Variants in RALYL observed in about 807,000 individuals in gnomAD.
RALYL encodes RALY RNA binding protein like.
A neutral mutation model predicts 35.1 loss-of-function variants in RALYL; 29 were observed. The observed-to-expected ratio is 0.83, with a 90% CI of 0.61 to 1.13. The LOEUF (loss-of-function observed/expected upper bound fraction) is 1.13. Ranked by LOEUF, RALYL falls within the 50% of genes most tolerant of loss-of-function variation. The probability of loss-of-function intolerance (pLI) is 0.00; values close to 1 mark genes in which losing one functional copy is unlikely to be tolerated. For missense variants in RALYL, 359 were observed against 360.4 expected (o/e 1.00, Z 0.03); for synonymous variants, 120 against 127.6 (o/e 0.94, Z 0.40).
chr8:84,449,432 G>T (rs182143535), intron 1 of RALYL, among the ~76,000 whole-genome samples: 1 of 152,056 alleles, frequency 6.6e-6, no homozygotes, highest in South Asian at 2.1e-4. Flanking sequence ...TTTCATTTAT[G>T]GTTGTATTGT....
chr8:84,347,207 A>T (rs566100907), intron 1 of RALYL, among the ~76,000 whole-genome samples: 8 of 151,878 alleles, frequency 5.3e-5, no homozygotes, highest in African/African-American at 1.9e-4. Flanking sequence ...AAAAAGAAAT[A>T]AACACATTTA....
At chr8:84,769,238 C>T (rs1197244591) in intron 2 of RALYL, among the ~76,000 whole-genome samples, 1 of 142,230 alleles carries the variant, frequency 7.0e-6, no homozygotes, top group African/African-American at 2.6e-5. Context: ...CAGACAGCCT[C>T]GATCTGGCTG....
At chr8:84,518,689 G>C (rs572206960) in intron 1 of RALYL, among the ~76,000 whole-genome samples, 1 of 152,180 alleles carries the variant, frequency 6.6e-6, no homozygotes, top group East Asian at 1.9e-4. Flanking sequence ...GAAATTTCAG[G>C]GGATTGATTA....
chr8:84,658,951 CA>C (rs1211773404), intron 2 of RALYL, among the ~76,000 whole-genome samples: 6 of 152,006 alleles, frequency 3.9e-5, no homozygotes, highest in African/African-American at 1.4e-4. Flanking sequence ...CAAAACAAAA[CA>C]AAACAAAAAA....
chr8:84,197,375 A>G (rs2130949206), intron 1 of RALYL, among the ~76,000 whole-genome samples: 1 of 152,308 alleles, frequency 6.6e-6, no homozygotes, highest in Non-Finnish European at 1.5e-5. Flanking sequence ...ATGGAGTTAA[A>G]GACATGTTTA....
At chr8:84,481,167 A>T (rs1232796450) in intron 1 of RALYL, among the ~76,000 whole-genome samples, 1 of 152,200 alleles carries the variant, frequency 6.6e-6, no homozygotes, top group Non-Finnish European at 1.5e-5. Flanking sequence ...TTAAGAGATG[A>T]TTAATGACTT....
At chr8:84,694,877 T>C (rs1466172046) in intron 2 of RALYL, among the ~76,000 whole-genome samples, 1 of 151,866 alleles carries the variant, frequency 6.6e-6, no homozygotes, top group Non-Finnish European at 1.5e-5. Context: ...TACATGGGTA[T>C]AGCCAGTAAT....
chr8:84,478,920 ACT>A (rs1361584604), intron 1 of RALYL, among the ~76,000 whole-genome samples: 11,790 of 111,456 alleles, frequency 0.11, 1,771 homozygotes, highest in East Asian at 0.16. Flanking sequence ...CCCCGTCTCT[ACT>A]AAAAATACAA....
At chr8:84,515,202 G>A (rs1160543570) in intron 1 of RALYL, among the ~76,000 whole-genome samples, 2 of 152,134 alleles carry the variant, frequency 1.3e-5, no homozygotes, top group Non-Finnish European at 2.9e-5. Flanking sequence ...CTAGAAAATA[G>A]CTACATAGTG....
chr8:84,184,619 G>A (rs1005625809), intron 1 of RALYL, among the ~76,000 whole-genome samples, 195 bp downstream of exon 1: 1 of 152,086 alleles, frequency 6.6e-6, no homozygotes, highest in African/African-American at 2.4e-5. Context: ...CTTCAGGATC[G>A]TTTTCTAGAT....
intron 2 of RALYL, among the ~76,000 whole-genome samples, chr8:84,535,936 A>G (rs942258954): frequency 8.5e-5 from 13 of 152,306 alleles, no homozygotes; most frequent in African/African-American, 2.9e-4. Flanking sequence ...ATTAATTTTC[A>G]GAATTGTTCT....
chr8:84,738,696 A>G (rs1011617266), intron 2 of RALYL, among the ~76,000 whole-genome samples: 1 of 152,050 alleles, frequency 6.6e-6, no homozygotes, highest in Non-Finnish European at 1.5e-5. Flanking sequence ...AATTGGGCAT[A>G]CTTTAGCACA....
chr8:84,679,695 T>C (rs914957521), intron 2 of RALYL: 2 of 512,512 alleles, frequency 3.9e-6, no homozygotes, highest in Admixed American at 2.1e-5. Context: ...ATTCATCAGT[T>C]GGATGGCTTT....
At chr8:84,883,408 G>A (rs1216876632) in intron 7 of RALYL, among the ~76,000 whole-genome samples, 2 of 152,022 alleles carry the variant, frequency 1.3e-5, no homozygotes, top group African/African-American at 4.8e-5. Context: ...AGAAAAAGAG[G>A]TTTAATGAAC....
intron 1 of RALYL, among the ~76,000 whole-genome samples, chr8:84,404,726 G>C (rs1046118740): frequency 6.6e-6 from 1 of 152,006 alleles, no homozygotes; most frequent in African/African-American, 2.4e-5. Context: ...TCTTTTGCTT[G>C]GAAATTTTTA....
intron 1 of RALYL, among the ~76,000 whole-genome samples, chr8:84,216,269 AC>A (rs949731652): frequency 6.6e-6 from 1 of 151,292 alleles, no homozygotes; most frequent in African/African-American, 2.5e-5. Flanking sequence ...TTGAAGGTTA[AC>A]AGAAAAAAAT....
chr8:84,317,033 G>A (rs1843884586), intron 1 of RALYL, among the ~76,000 whole-genome samples: 1 of 151,024 alleles, frequency 6.6e-6, no homozygotes, highest in South Asian at 2.1e-4. Flanking sequence ...ATTCATAGGA[G>A]CAAAAATACC....
Position 84,576,544 on chromosome 8 carries a change from C to A in RALYL, c.256+46967C>A, listed in dbSNP as rs555794680. Among the ~76,000 whole-genome samples, 15 of 152,240 alleles carry A rather than the reference C, an allele frequency of 9.9e-5. No homozygotes were observed. In the East Asian group the frequency reaches 2.9e-3, roughly 29 times the overall value. On this transcript the variant is annotated intron_variant, in intron 2 of 8. Coordinates refer to ENST00000521268, the MANE Select transcript of RALYL (RefSeq NM_173848.7). The stretch of plus-strand genomic sequence containing the variant: ...GCTCTTCAGGTTGACACAGGTGCCA[C>A]CACTCCCTCTAGCACACAGTCTCCA...
At chr8:84,739,122 T>C (rs1729886878) in intron 2 of RALYL, among the ~76,000 whole-genome samples, 2 of 152,030 alleles carry the variant, frequency 1.3e-5, no homozygotes, top group South Asian at 4.1e-4. Context: ...CAATTTACAT[T>C]CATATGTTAT....
Sources: gnomAD v4.1 joint callset for allele counts (sites outside exome capture counted in the v4.1 genomes callset) on GRCh38, gnomAD v4.1.1 for gene constraint, MANE v1.5 for transcripts, NCBI Gene and HGNC (gene_info 2026-07-23, HGNC 2026-07-21) for gene names.